The following KNTC1 variants were observed in gnomAD, a reference collection of about 807,000 sequenced individuals.
KNTC1 encodes kinetochore-associated protein 1.
KNTC1 carries 253 observed loss-of-function variants against 314.4 expected under a neutral mutation model. The ratio of observed to expected loss-of-function variants is 0.80; its 90% CI spans 0.73 to 0.89. The LOEUF is 0.89. KNTC1 is among the 40% of genes least tolerant of loss of function. KNTC1 has a pLI of 0.00. For synonymous variants in KNTC1, 901 were observed against 901.4 expected (o/e 1.00, Z 0.01); for missense variants, 2,475 against 2,572.9 (o/e 0.96, Z 0.82).
At chr12:122,578,477 C>G (rs1385492787) in intron 31 of KNTC1, among the ~76,000 whole-genome samples, 1 of 152,018 alleles carries the variant, frequency 6.6e-6, no homozygotes, top group African/African-American at 2.4e-5. Context: ...GGCTGGAGCA[C>G]AGTGGCGCGA....
chr12:122,622,553 C>T lies in KNTC1; in HGVS notation c.6461C>T (p.Ala2154Val), dbSNP rs760448774. 1.3e-5 allele frequency: 21 copies of T among 1,570,906 alleles called. No homozygotes were observed. Among genetic ancestry groups the T allele is most frequent in the South Asian group, 7.0e-5 (6 of 85,648 alleles). Reference protein sequence around the residue: ...TKYFQMLKMHAMNTNNITELV... With the variant: ...TKYFQMLKMHVMNTNNITELV... Reference sequence around the variant, plus strand: ...TACTTTCAAATGTTGAAGATGCATGCGATGAATACCAACAATATCACTGAG... The same window carrying T: ...TACTTTCAAATGTTGAAGATGCATGTGATGAATACCAACAATATCACTGAG... Residue 2154 changes from alanine (A) to valine (V), a missense_variant, in exon 62 of 64, where the codon GCG (alanine) becomes GTG (valine). Coordinates refer to ENST00000333479, the MANE Select transcript of KNTC1 (RefSeq NM_014708.6).
chr12:122,545,929 G>C (rs919242924), intron 8 of KNTC1, among the ~76,000 whole-genome samples: 1 of 147,370 alleles, frequency 6.8e-6, no homozygotes, highest in Non-Finnish European at 1.5e-5. Context: ...CTGGGCAATG[G>C]AGTGAGACCC....
At chr12:122,583,088 G>A in intron 34 of KNTC1, 103 bp downstream of exon 34, 1 of 1,042,926 alleles carries the variant, frequency 9.6e-7, no homozygotes, top group Middle Eastern at 2.2e-4. Flanking sequence ...GAGGCAGGCG[G>A]ATCACAAGGT....
intron 22 of KNTC1, 23 bp from the exon 23 acceptor site, chr12:122,570,853 C>G (rs777304889): frequency 6.8e-7 from 1 of 1,468,494 alleles, no homozygotes; most frequent in East Asian, 2.5e-5. Flanking sequence ...TTAAGAATTT[C>G]ATTTTTAAAT....
intron 51 of KNTC1, among the ~76,000 whole-genome samples, chr12:122,606,904 A>AT (rs1872642973): frequency 6.6e-6 from 1 of 152,168 alleles, no homozygotes. Flanking sequence ...CCATAATATA[A>AT]TTATCAAAAT....
intron 4 of KNTC1, among the ~76,000 whole-genome samples, chr12:122,539,342 A>G (rs75730080): frequency 0.011 from 1,607 of 152,182 alleles, 28 homozygotes; most frequent in African/African-American, 0.037. Context: ...TAAATTAAAA[A>G]AATGTTTTTT....
intron 57 of KNTC1, 110 bp from the exon 58 acceptor site, chr12:122,618,233 A>G (rs1176837021): frequency 1.1e-6 from 1 of 886,552 alleles, no homozygotes; most frequent in Non-Finnish European, 1.8e-6. Flanking sequence ...CAGCCTTTCA[A>G]AGTGCTGGGA....
intron 16 of KNTC1, among the ~76,000 whole-genome samples, chr12:122,553,385 T>G (rs545220533): frequency 6.6e-6 from 1 of 152,178 alleles, no homozygotes; most frequent in South Asian, 2.1e-4. Flanking sequence ...CTGAGCACAG[T>G]CGTGCATGCT....
intron 16 of KNTC1, among the ~76,000 whole-genome samples, chr12:122,556,115 C>T (rs1246728638): frequency 1.3e-5 from 2 of 151,864 alleles, no homozygotes; most frequent in Non-Finnish European, 2.9e-5. Context: ...CTCCCAGGTT[C>T]GTGTGATTCT....
intron 36 of KNTC1, among the ~76,000 whole-genome samples, chr12:122,585,212 A>AT (rs1214345753): frequency 8.0e-5 from 12 of 150,372 alleles, no homozygotes; most frequent in Middle Eastern, 3.4e-3. Flanking sequence ...TTAAAAAAAA[A>AT]TTTTTTTTTT....
At chr12:122,536,432 A>G (rs917628466) in intron 3 of KNTC1, among the ~76,000 whole-genome samples, 11 of 149,302 alleles carry the variant, frequency 7.4e-5, no homozygotes, top group Admixed American at 3.3e-4. Flanking sequence ...GGGTTTCACT[A>G]TGTTGGCCAG....
At chr12:122,550,233 T>TTC (rs1189605909) in intron 13 of KNTC1, among the ~76,000 whole-genome samples, 1 of 149,310 alleles carries the variant, frequency 6.7e-6, no homozygotes, top group Non-Finnish European at 1.5e-5. Context: ...AATTTCTTTT[T>TTC]ACACACACAC....
intron 51 of KNTC1, 63 bp from the exon 52 acceptor site, chr12:122,609,321 A>G: frequency 7.5e-6 from 7 of 929,312 alleles, no homozygotes; most frequent in Non-Finnish European, 1.2e-5. Flanking sequence ...TTTCAGAGAG[A>G]TGAATGTTTG....
intron 33 of KNTC1, 85 bp downstream of exon 33, chr12:122,580,755 GCAGTGGCTTACC>G (rs1348031060): frequency 1.2e-6 from 1 of 835,724 alleles, no homozygotes. Flanking sequence ...ATGGCTGGGC[GCAGTGGCTTACC>G]CCTGTAATCC....
chr12:122,538,355 A>C lies in KNTC1; in HGVS notation c.267A>C (p.Val89=). The C allele has an allele frequency of 6.3e-7, 1 of 1,595,210 alleles. No individual in the cohort carries two copies. Among genetic ancestry groups the C allele is most frequent in the Non-Finnish European group, 8.6e-7 (1 of 1,168,080 alleles). The change falls in exon 4 of 64, where the codon GTA becomes GTC. Residue 89 remains valine, a synonymous_variant. Transcript: ENST00000333479. ...LHLVFDTEVD[V]VGLCQEGKFL... ...AATTTTCAGATACTGAAGTGGATGTAGTTGGCCTTTGTCAAGAAGGAAAGT... is the reference window on the plus strand; with the variant it reads ...AATTTTCAGATACTGAAGTGGATGTCGTTGGCCTTTGTCAAGAAGGAAAGT...
chr12:122,605,607 G>T (rs536949545), intron 51 of KNTC1, among the ~76,000 whole-genome samples, 192 bp downstream of exon 51: 14 of 152,150 alleles, frequency 9.2e-5, no homozygotes, highest in Non-Finnish European at 1.5e-4. Flanking sequence ...GTGTAATGGC[G>T]CGGTCTCGGC....
chr12:122,575,772 A>G, intron 28 of KNTC1, 28 bp from the exon 29 acceptor site: 1 of 1,583,368 alleles, frequency 6.3e-7, no homozygotes, highest in South Asian at 1.1e-5. Context: ...AAGACAATCC[A>G]TGTTAATATG....
chr12:122,615,447 T>C (rs1443412045), intron 56 of KNTC1, 23 bp from the exon 57 acceptor site: 4 of 1,493,812 alleles, frequency 2.7e-6, no homozygotes, highest in Non-Finnish European at 3.6e-6. Context: ...CTTTAGAACT[T>C]TTTTATTTTT....
In KNTC1 at chr12:122,561,770, A is replaced by C. The variant is rs1963992451; in HGVS notation, c.1489-151A>C. The C allele has an allele frequency of 6.8e-6, 4 of 592,172 alleles. No homozygotes were observed. In the South Asian group the frequency reaches 9.2e-5, roughly 14 times the overall value. 36.7% of individuals were successfully genotyped at this position (592,172 alleles called of 1,614,324 possible). A position where few individuals can be genotyped will look rare whatever the true frequency, so the allele number is the denominator to read the frequency against. On this transcript the variant is annotated intron_variant, in intron 18 of 63. Transcript: ENST00000333479. ...CCCCCAGGCAAATGCATTATTTTAA[A>C]AAACATGTCAGTTCTTTATAGTTTA...
Sources: gnomAD v4.1 joint callset for allele counts (sites outside exome capture counted in the v4.1 genomes callset) on GRCh38, gnomAD v4.1.1 for gene constraint, MANE v1.5 for transcripts, NCBI Gene and HGNC (gene_info 2026-07-23, HGNC 2026-07-21) for gene names.